Variants in MYO15A observed in about 807,000 individuals in gnomAD.
The protein encoded by MYO15A is unconventional myosin-XV.
MYO15A carries 308 observed loss-of-function variants against 394.6 expected under a neutral mutation model. That is an observed-to-expected ratio of 0.78 (90% CI 0.71 to 0.86). The LOEUF (loss-of-function observed/expected upper bound fraction) is 0.86, where lower values mean the gene tolerates loss of function less well. Among genes scored for constraint, MYO15A ranks in the 40% least tolerant of loss-of-function variants. The probability of loss-of-function intolerance (pLI) is 0.00; values close to 1 mark genes in which losing one functional copy is unlikely to be tolerated. For missense variants in MYO15A, 4,606 were observed against 4,799.1 expected (o/e 0.96, Z 1.19); for synonymous variants, 1,957 against 2,003.8 (o/e 0.98, Z 0.62).
At chr17:18,163,964 C>A (rs925747812) in intron 60 of MYO15A, 126 bp downstream of exon 60, 2 of 915,938 alleles carry the variant, frequency 2.2e-6, no homozygotes, top group Admixed American at 2.0e-5. Context: ...GCCCCTTGAC[C>A]CCCATGTGGA....
At position 18,119,586 on chromosome 17, in the gene MYO15A, G is replaced by T. The variant is rs1344127781; in HGVS notation, c.786G>T (p.Ala262=). The T allele has an allele frequency of 1.2e-6, 2 of 1,604,902 alleles. No individual in the cohort carries two copies. The highest frequency in any genetic ancestry group is 1.7e-6 in the Non-Finnish European group (2 of 1,179,926). Residue 262 remains alanine (A), a synonymous_variant, in exon 2 of 66, where the codon GCG becomes GCT. Transcript: ENST00000647165. Reference sequence around the variant, plus strand: ...ACGAGGAGCAGGAACCCTACCTGGCGGGCCTCGGCCCCTACAGCCCGGCCT... The same window carrying T: ...ACGAGGAGCAGGAACCCTACCTGGCTGGCCTCGGCCCCTACAGCCCGGCCT... The part of the protein sequence containing the change: ...HRYEEQEPYL[A]GLGPYSPAWP...
intron 12 of MYO15A, among the ~76,000 whole-genome samples, chr17:18,135,088 A>G (rs976711597): frequency 4.0e-5 from 6 of 150,550 alleles, no homozygotes; most frequent in Admixed American, 1.3e-4. Context: ...CTGGTCTTGA[A>G]CTCCCTGCCT....
chr17:18,123,123 C>G (rs373308085), intron 2 of MYO15A: 2 of 152,412 alleles, frequency 1.3e-5, no homozygotes, highest in African/African-American at 4.8e-5. Flanking sequence ...GGCTGAGGTG[C>G]GTGGTCACCG....
At chr17:18,170,631 A>G (rs1161994225) in intron 62 of MYO15A, among the ~76,000 whole-genome samples, 1 of 151,954 alleles carries the variant, frequency 6.6e-6, no homozygotes, top group African/African-American at 2.4e-5. Flanking sequence ...AAGTGTTGAG[A>G]TTACAGGTGT....
chr17:18,142,045 C>T, intron 23 of MYO15A, 34 bp from the exon 24 acceptor site: 2 of 1,609,548 alleles, frequency 1.2e-6, no homozygotes, highest in Non-Finnish European at 1.7e-6. Flanking sequence ...CCTCCTGGCT[C>T]CTATCTGCCT....
chr17:18,125,144 C>G (rs1375846377), intron 3 of MYO15A, 24 bp from the exon 4 acceptor site: 3 of 1,612,854 alleles, frequency 1.9e-6, no homozygotes, highest in African/African-American at 2.7e-5. Flanking sequence ...GGGGCACTGA[C>G]GGCTTCTCTC....
chr17:18,166,222 C>T (rs2046851559), intron 60 of MYO15A, 139 bp from the exon 61 acceptor site: 2 of 1,026,980 alleles, frequency 1.9e-6, no homozygotes, highest in African/African-American at 1.6e-5. Flanking sequence ...GAAGCTGTGT[C>T]CCAGAACAGG....
At chr17:18,141,458 A>G (rs2046378678) in intron 22 of MYO15A, among the ~76,000 whole-genome samples, 195 bp from the exon 23 acceptor site, 1 of 152,258 alleles carries the variant, frequency 6.6e-6, no homozygotes, top group Non-Finnish European at 1.5e-5. Context: ...ATCATCTATT[A>G]TAACAATTGT....
chr17:18,149,383 C>A lies in MYO15A; in HGVS notation c.7117+7C>A, dbSNP rs1434028940. 6.2e-7 allele frequency: 1 copy of A among 1,606,764 alleles called. No individual in the cohort carries two copies. The highest frequency in any genetic ancestry group is 2.3e-5 in the East Asian group (1 of 44,442). On this transcript the variant is annotated splice_region_variant and intron_variant, in intron 34 of 65. Transcript: ENST00000647165. ...GGGACAGCAACCCACCAAGGTCAAC[C>A]AACAATGGCTGCTGTCTCTGGTGGG...
chr17:18,125,708 CAAAAAAAAAAAAAAAA>C (rs5819643), intron 4 of MYO15A: 7 of 59,770 alleles, frequency 1.2e-4, no homozygotes, highest in Non-Finnish European at 1.9e-4. Context: ...GACTCCATCT[CAAAAAAAAAAAAAAAA>C]AAAAAAAAAA....
At position 18,155,415 on chromosome 17, in the gene MYO15A, G is replaced by A. The variant is rs768820499; in HGVS notation, c.8442G>A (p.Arg2814=). The A allele has an allele frequency of 2.5e-6, 4 of 1,613,314 alleles. No homozygotes were observed. The highest frequency in any genetic ancestry group is 2.5e-6 in the Non-Finnish European group (3 of 1,180,002). Residue 2814 remains arginine, a synonymous_variant, in exon 47 of 66, where the codon CGG becomes CGA. Coordinates refer to ENST00000647165, the MANE Select transcript of MYO15A (RefSeq NM_016239.4). ...KGGQEAGGQL[R]VLRAYSFADI... ...GCCAGGAGGCCGGCGGGCAGCTGCG[G>A]GTCCTGCGTGCATACAGGTGACCAG...
In MYO15A at chr17:18,142,823, C is replaced by T. The variant is rs374485649; in HGVS notation, c.5893C>T (p.Arg1965Cys). Residue 1965 changes from arginine to cysteine, a missense_variant, in exon 25 of 66, where the codon CGC becomes TGC. By Grantham distance (180) the Arg-to-Cys change is radical (BLOSUM62 -3). Coordinates refer to ENST00000647165, the MANE Select transcript of MYO15A (RefSeq NM_016239.4). ...FRSLVHAYVS[R>C]RRYLKLRAEW... is the part of the protein sequence containing the mutation. The stretch of plus-strand genomic sequence containing the variant: ...GTCCCTGGTACACGCATACGTGAGC[C>T]GCCGACGCTATCTCAAGGTATAGGC... 8.2e-5 allele frequency: 133 copies of T among 1,612,782 alleles called. No homozygotes were observed. Among genetic ancestry groups the T allele is most frequent in the Non-Finnish European group, 1.0e-4 (121 of 1,179,634 alleles).
In MYO15A at chr17:18,149,276, G is replaced by T; in HGVS notation, c.7017G>T (p.Glu2339Asp). 2 of 1,613,996 alleles carry T rather than the reference G, an allele frequency of 1.2e-6. No individual in the cohort carries two copies. The highest frequency in any genetic ancestry group is 1.7e-6 in the Non-Finnish European group (2 of 1,179,970). The change falls in exon 34 of 66, where the codon GAG becomes GAT. Residue 2339 changes from glutamate to aspartate, a missense_variant. Glu to Asp is a conservative substitution (Grantham distance 45, BLOSUM62 2). Coordinates refer to ENST00000647165, the MANE Select transcript of MYO15A (RefSeq NM_016239.4). ...EDMSTRPQPQ[E>D]HMPKVLDSDG... ...TGTCCACTAGACCCCAGCCCCAGGAGCACATGCCCAAAGTACTTGACTCTG... is the reference window on the plus strand; with the variant it reads ...TGTCCACTAGACCCCAGCCCCAGGATCACATGCCCAAAGTACTTGACTCTG...
intron 12 of MYO15A, among the ~76,000 whole-genome samples, chr17:18,134,144 C>A (rs1044966710): frequency 5.3e-5 from 8 of 151,848 alleles, no homozygotes; most frequent in Admixed American, 5.2e-4. Flanking sequence ...TGTGTGCCAC[C>A]ACATCCAGCT....
chr17:18,165,552 T>C (rs1330816469), intron 60 of MYO15A, among the ~76,000 whole-genome samples: 2 of 152,338 alleles, frequency 1.3e-5, no homozygotes, highest in Non-Finnish European at 2.9e-5. Context: ...TGAGGACCCA[T>C]GTGCTGATGA....
rs146865523 is a variant in MYO15A, at chr17:18,166,446, C to G, written c.9873C>G (p.Leu3291=). ...EMEQVDGGYM[L]WFRRVLWDQP... ...AGCAGGTGGACGGCGGCTACATGCT[C>G]TGGTTCCGGCGTGTGCTCTGGGATC... is the stretch of plus-strand genomic sequence containing the variant. The change falls in exon 61 of 66, where the codon CTC becomes CTG. Residue 3291 remains leucine (L), a synonymous_variant. Transcript: ENST00000647165. The G allele has an allele frequency of 6.2e-7, 1 of 1,614,088 alleles. No individual in the cohort carries two copies. Among genetic ancestry groups the G allele is most frequent in the Non-Finnish European group, 8.5e-7 (1 of 1,180,030 alleles).
intron 52 of MYO15A, 86 bp downstream of exon 52, chr17:18,158,724 A>AGGCCCCACTTCTGGT (rs1376722537): frequency 6.6e-7 from 1 of 1,513,302 alleles, no homozygotes; most frequent in Non-Finnish European, 9.2e-7. Context: ...TCAGTCTCGG[A>AGGCCCCACTTCTGGT]GGCCCCACTT....
At position 18,118,721 on chromosome 17, in the gene MYO15A, A is replaced by C; in HGVS notation, c.-80A>C. ...GGCCGCGTGTCCAGCCGCGGGCAAGAGACAGAGCAGGTCCCTGTGTCTCCA... is the reference window on the plus strand; with the variant it reads ...GGCCGCGTGTCCAGCCGCGGGCAAGCGACAGAGCAGGTCCCTGTGTCTCCA... On this transcript the variant is annotated 5_prime_UTR_variant, in exon 2 of 66. Transcript: ENST00000647165. 1 of 1,599,454 alleles carries C rather than the reference A, an allele frequency of 6.3e-7. No homozygotes were observed. The highest frequency in any genetic ancestry group is 8.5e-7 in the Non-Finnish European group (1 of 1,174,718).
chr17:18,114,267 T>TTTTTTTA (rs879237595), intron 1 of MYO15A, among the ~76,000 whole-genome samples: 10 of 105,020 alleles, frequency 9.5e-5, no homozygotes, highest in South Asian at 4.3e-4. Flanking sequence ...TTTTTTTTTT[T>TTTTTTTA]GAGACGGAGT....
Sources: gnomAD v4.1 joint callset for allele counts (sites outside exome capture counted in the v4.1 genomes callset) on GRCh38, gnomAD v4.1.1 for gene constraint, MANE v1.5 for transcripts, NCBI Gene and HGNC (gene_info 2026-07-23, HGNC 2026-07-21) for gene names.